The following ZNF468 variants were observed in gnomAD, a reference collection of about 807,000 sequenced individuals.
ZNF468 encodes the protein zinc finger protein 468, also known as zinc finger protein ZNF468.
Under a neutral mutation model 7.2 loss-of-function variants are expected in ZNF468, and 8 were observed. The ratio of observed to expected loss-of-function variants is 1.11; its 90% confidence interval spans 0.65 to 2.01. ZNF468 has a LOEUF of 2.01. ZNF468 is among the 30% of genes most tolerant of loss of function. ZNF468 has a pLI of 0.00. For missense variants in ZNF468, 608 were observed against 626.5 expected (o/e 0.97, Z 0.31); for synonymous variants, 218 against 214.4 (o/e 1.02, Z -0.15).
chr19:52,854,981 T>C (rs1314621712), intron 1 of ZNF468, among the ~76,000 whole-genome samples: 1 of 151,810 alleles, frequency 6.6e-6, no homozygotes, highest in Non-Finnish European at 1.5e-5. Flanking sequence ...CACTCCTGCC[T>C]GGGTGACAGA....
chr19:52,857,245 C>T (rs1296904739), intron 1 of ZNF468, among the ~76,000 whole-genome samples: 1 of 152,028 alleles, frequency 6.6e-6, no homozygotes, highest in African/African-American at 2.4e-5. Context: ...GGCTGGGAGG[C>T]GCACAGGGTG....
In ZNF468 at chr19:52,841,547, G is replaced by T. The variant is rs202238742; in HGVS notation, c.747C>A (p.Gly249=). ...GGTATCGCTTCTGATTAAAGACCTTGCCACATACATCACATTTACATTGTT... is the reference window on the plus strand; with the variant it reads ...GGTATCGCTTCTGATTAAAGACCTTTCCACATACATCACATTTACATTGTT... ...EEKQCKCDVC[G]KVFNQKRYLA... is the part of the protein sequence containing the mutation. Residue 249 remains glycine, a synonymous_variant, in exon 4 of 4, where the codon GGC becomes GGA. Transcript: ENST00000595646. 3 of 1,614,082 alleles carry T rather than the reference G, an allele frequency of 1.9e-6. No homozygotes were observed. Among genetic ancestry groups the T allele is most frequent in the Non-Finnish European group, 1.7e-6 (2 of 1,180,024 alleles).
intron 2 of ZNF468, among the ~76,000 whole-genome samples, chr19:52,851,063 G>A (rs187991632): frequency 1.3e-5 from 2 of 151,994 alleles, no homozygotes; most frequent in East Asian, 1.9e-4. Context: ...ACCTGAGGTC[G>A]GGAGTTCAAG....
At chr19:52,855,751 C>G (rs1444859954) in intron 1 of ZNF468, among the ~76,000 whole-genome samples, 2 of 152,050 alleles carry the variant, frequency 1.3e-5, no homozygotes, top group Non-Finnish European at 2.9e-5. Context: ...ACTGGGCACT[C>G]TCCTCTACCA....
At position 52,840,491 on chromosome 19, in the gene ZNF468, G is replaced by T; in HGVS notation, c.*234C>A. ...TACCTCTGTATGGTTTCTCTTCAAT[G>T]TGAATTTTCTTATGTGTTTTAAGGT... On this transcript the variant is annotated 3_prime_UTR_variant, in exon 4 of 4. Coordinates refer to ENST00000595646, the MANE Select transcript of ZNF468 (RefSeq NM_001008801.2). The T allele has an allele frequency of 1.1e-6, 1 of 885,678 alleles. No homozygotes were observed. The highest frequency in any genetic ancestry group is 1.8e-6 in the Non-Finnish European group (1 of 563,776). 54.9% of individuals were successfully genotyped at this position (885,678 alleles called of 1,614,324 possible). A position where few individuals can be genotyped will look rare whatever the true frequency, so the allele number is the denominator to read the frequency against.
At chr19:52,844,694 A>G (rs2063329367) in intron 3 of ZNF468, among the ~76,000 whole-genome samples, 1 of 152,126 alleles carries the variant, frequency 6.6e-6, no homozygotes, top group South Asian at 2.1e-4. Context: ...GCACACCACC[A>G]TGCACAGCTA....
chr19:52,842,147 G>A lies in ZNF468; in HGVS notation c.147C>T (p.Ile49=), dbSNP rs932793720. 3.8e-6 allele frequency: 6 copies of A among 1,582,300 alleles called. No homozygotes were observed. The African/African-American group carries it at 8.1e-5, about 21-fold the overall frequency. Residue 49 remains isoleucine, a synonymous_variant, in exon 4 of 4, where the codon ATC becomes ATT. Transcript: ENST00000595646. The part of the protein sequence containing the change: ...ENYRNLVSLD[I]SSKCMLKTLS... ...ACGTCTTCAACATGCATTTGGAAGA[G>A]ATATCTACAAAATTTAAACACCAAT...
rs1850320194 is a variant in ZNF468, at chr19:52,839,579, T to C, written c.*1146A>G. Reference sequence around the variant, plus strand: ...GAATTGTCTGATGGTCTGCAAGGAGTGACCTTGGACTGAAGACCCTTCCAC... The same window carrying C: ...GAATTGTCTGATGGTCTGCAAGGAGCGACCTTGGACTGAAGACCCTTCCAC... On this transcript the variant is annotated 3_prime_UTR_variant, in exon 4 of 4. Coordinates refer to ENST00000595646, the MANE Select transcript of ZNF468 (RefSeq NM_001008801.2). The C allele has an allele frequency of 1.9e-6, 1 of 536,666 alleles. No individual in the cohort carries two copies. The highest frequency in any genetic ancestry group is 3.8e-6 in the Non-Finnish European group (1 of 264,924). The allele number at this position is 536,666 out of a possible 1,614,324, so 33.2% of individuals were successfully genotyped here.
chr19:52,839,718 G>C lies in ZNF468; in HGVS notation c.*1007C>G. ...ATCACACTTGTGAGGTTTCTCTCCT[G>C]TATGAATCCTCCTATGTTTTGCATA... On this transcript the variant is annotated 3_prime_UTR_variant, in exon 4 of 4. Coordinates refer to ENST00000595646, the MANE Select transcript of ZNF468 (RefSeq NM_001008801.2). 1.9e-6 allele frequency: 1 copy of C among 528,340 alleles called. No homozygotes were observed. Among genetic ancestry groups the C allele is most frequent in the African/African-American group, 1.9e-5 (1 of 52,034 alleles). The allele number at this position is 528,340 out of a possible 1,614,324, so 32.7% of individuals were successfully genotyped here. A position where few individuals can be genotyped will look rare whatever the true frequency, so the allele number is the denominator to read the frequency against.
At position 52,840,676 on chromosome 19, in the gene ZNF468, C is replaced by T; in HGVS notation, c.*49G>A. ...CTCTCCAGTATGAATTGCCTTATGACTTACAGGGTTGAATTGTGATGGAAG... is the reference window on the plus strand; with the variant it reads ...CTCTCCAGTATGAATTGCCTTATGATTTACAGGGTTGAATTGTGATGGAAG... On this transcript the variant is annotated 3_prime_UTR_variant, in exon 4 of 4. Transcript: ENST00000595646. 1 of 1,611,358 alleles carries T rather than the reference C, an allele frequency of 6.2e-7. No homozygotes were observed. Among genetic ancestry groups the T allele is most frequent in the Non-Finnish European group, 8.5e-7 (1 of 1,178,284 alleles).
chr19:52,849,619 A>G (rs1197007161), intron 2 of ZNF468: 1 of 208,122 alleles, frequency 4.8e-6, no homozygotes, highest in African/African-American at 2.4e-5. Context: ...ACATGTCTGT[A>G]ATCCCAGCTA....
At chr19:52,856,469 T>A (rs962264630) in intron 1 of ZNF468, among the ~76,000 whole-genome samples, 13 of 116,226 alleles carry the variant, frequency 1.1e-4, no homozygotes, top group Non-Finnish European at 2.4e-4. Context: ...CTGCCTCTTC[T>A]CCCATCTATG....
In ZNF468 at chr19:52,840,119, T is replaced by G; in HGVS notation, c.*606A>C. The G allele has an allele frequency of 3.4e-6, 2 of 583,060 alleles. No homozygotes were observed. Among genetic ancestry groups the G allele is most frequent in the Non-Finnish European group, 5.6e-6 (2 of 358,812 alleles). The allele number at this position is 583,060 out of a possible 1,614,324, so 36.1% of individuals were successfully genotyped here. A position where few individuals can be genotyped will look rare whatever the true frequency, so the allele number is the denominator to read the frequency against. ...AAAGCCTTGTCACAAACCTTACATT[T>G]CTATGGCTTTTCTCCAGTGTGAATT... On this transcript the variant is annotated 3_prime_UTR_variant, in exon 4 of 4. Coordinates refer to ENST00000595646, the MANE Select transcript of ZNF468 (RefSeq NM_001008801.2).
At chr19:52,842,320 A>G (rs1183003420) in intron 3 of ZNF468, among the ~76,000 whole-genome samples, 169 bp from the exon 4 acceptor site, 2 of 152,172 alleles carry the variant, frequency 1.3e-5, no homozygotes, top group Non-Finnish European at 2.9e-5. Context: ...ATAAAGGGCG[A>G]TTACATGTGC....
intron 3 of ZNF468, among the ~76,000 whole-genome samples, chr19:52,842,396 G>A (rs1471210230): frequency 6.6e-6 from 1 of 152,088 alleles, no homozygotes; most frequent in Non-Finnish European, 1.5e-5. Flanking sequence ...GCACAAACAC[G>A]TGTGAGTCTA....
At chr19:52,856,250 G>A (rs1440043156) in intron 1 of ZNF468, among the ~76,000 whole-genome samples, 2 of 152,088 alleles carry the variant, frequency 1.3e-5, no homozygotes, top group African/African-American at 4.8e-5. Flanking sequence ...GACAGCTGAG[G>A]TGGTTCACAC....
chr19:52,840,992 A>G lies in ZNF468; in HGVS notation c.1302T>C (p.Thr434=). Residue 434 remains threonine, a synonymous_variant, in exon 4 of 4, where the codon ACT becomes ACC. Transcript: ENST00000595646. ...SNLERHRRIH[T]GEKPYKCKVC... is the part of the protein sequence containing the mutation. ...CCTTACATTTGTATGGTTTCTCTCCAGTATGAATCCTCCTGTGTCTTTCCA... is the reference window on the plus strand; with the variant it reads ...CCTTACATTTGTATGGTTTCTCTCCGGTATGAATCCTCCTGTGTCTTTCCA... 1.2e-6 allele frequency: 2 copies of G among 1,614,030 alleles called. No homozygotes were observed. The highest frequency in any genetic ancestry group is 2.2e-5 in the South Asian group (2 of 91,070).
chr19:52,845,588 G>A (rs2063336249), intron 3 of ZNF468, among the ~76,000 whole-genome samples: 1 of 152,046 alleles, frequency 6.6e-6, no homozygotes. Context: ...GAACCCAGAA[G>A]GTGGAGGTTA....
intron 2 of ZNF468, among the ~76,000 whole-genome samples, chr19:52,850,438 G>A (rs1264995473): frequency 6.6e-6 from 1 of 152,122 alleles, no homozygotes; most frequent in African/African-American, 2.4e-5. Flanking sequence ...TTCCAATGCA[G>A]ATGTCAAAAA....
Sources: allele counts gnomAD v4.1 joint callset (sites outside exome capture counted in the v4.1 genomes callset), GRCh38; gene constraint gnomAD v4.1.1; transcripts MANE v1.5; gene names NCBI Gene and HGNC (gene_info 2026-07-23, HGNC 2026-07-21).